NOS1AP: variants seen among roughly 807,000 people sequenced by gnomAD.
The protein encoded by NOS1AP is carboxyl-terminal PDZ ligand of neuronal nitric oxide synthase protein.
NOS1AP carries 21 observed loss-of-function variants against 56.2 expected under a neutral mutation model. The ratio of observed to expected loss-of-function variants is 0.37; its 90% CI spans 0.26 to 0.54. NOS1AP has a LOEUF of 0.54. Ranked by LOEUF, NOS1AP falls within the 20% of genes least tolerant of loss-of-function variation. The pLI, the probability that NOS1AP is intolerant of heterozygous loss-of-function variation, is 0.84. For missense variants in NOS1AP, 522 were observed against 657.8 expected, an observed-to-expected ratio of 0.79 and a Z score of 2.26; for synonymous variants, 270 against 274.6, an observed-to-expected ratio of 0.98 and a Z score of 0.17.
intron 2 of NOS1AP, among the ~76,000 whole-genome samples, chr1:162,176,165 A>G (rs116550520): frequency 0.035 from 5,251 of 152,162 alleles, 133 homozygotes; most frequent in Non-Finnish European, 0.049. Flanking sequence ...CTCCCACTCA[A>G]TGATTTTTTT....
At chr1:162,105,188 C>T (rs1647447173) in intron 1 of NOS1AP, among the ~76,000 whole-genome samples, 1 of 152,192 alleles carries the variant, frequency 6.6e-6, no homozygotes, top group Non-Finnish European at 1.5e-5. Context: ...GGGGTCCACT[C>T]CAGACCCTAG....
chr1:162,251,172 TG>T (rs1653834397), intron 2 of NOS1AP, among the ~76,000 whole-genome samples: 1 of 152,216 alleles, frequency 6.6e-6, no homozygotes, highest in African/African-American at 2.4e-5. Flanking sequence ...CTAATGCCTG[TG>T]GCCTATGAGC....
intron 2 of NOS1AP, among the ~76,000 whole-genome samples, chr1:162,195,924 G>T (rs896694809): frequency 6.6e-6 from 1 of 152,166 alleles, no homozygotes; most frequent in African/African-American, 2.4e-5. Context: ...TATATGTCAT[G>T]GTCTGGGGCC....
intron 2 of NOS1AP, among the ~76,000 whole-genome samples, chr1:162,181,957 T>C (rs1651279103): frequency 6.6e-6 from 1 of 152,210 alleles, no homozygotes; most frequent in Non-Finnish European, 1.5e-5. Flanking sequence ...TGGATAGAGT[T>C]GAAAAAAGTC....
chr1:162,258,757 G>A (rs1452855539), intron 2 of NOS1AP, among the ~76,000 whole-genome samples: 1 of 152,184 alleles, frequency 6.6e-6, no homozygotes, highest in Non-Finnish European at 1.5e-5. Context: ...GAAGGAGGGT[G>A]AGAGTGCCCA....
At chr1:162,151,336 C>T (rs2102090404) in intron 1 of NOS1AP, among the ~76,000 whole-genome samples, 1 of 152,294 alleles carries the variant, frequency 6.6e-6, no homozygotes, top group East Asian at 1.9e-4. Flanking sequence ...TGTTTTTATG[C>T]CAGTACCATG....
At chr1:162,174,256 G>GT (rs1280632199) in intron 2 of NOS1AP, among the ~76,000 whole-genome samples, 2 of 152,080 alleles carry the variant, frequency 1.3e-5, no homozygotes, top group East Asian at 1.9e-4. Context: ...CATGTCCTTT[G>GT]TAGGGACATG....
chr1:162,221,313 G>T (rs7545047), intron 2 of NOS1AP, among the ~76,000 whole-genome samples: 1 of 152,094 alleles, frequency 6.6e-6, no homozygotes. Flanking sequence ...TCAGGAATTC[G>T]CATTGAAGGC....
At chr1:162,294,173 TAGGA>T (rs1295442688) in intron 3 of NOS1AP, among the ~76,000 whole-genome samples, 109 of 84,772 alleles carry the variant, frequency 1.3e-3, no homozygotes, top group African/African-American at 5.6e-3. Context: ...GGAAGGCAGG[TAGGA>T]AGGAAGGAAG....
At chr1:162,211,246 G>T (rs1652340356) in intron 2 of NOS1AP, among the ~76,000 whole-genome samples, 1 of 152,218 alleles carries the variant, frequency 6.6e-6, no homozygotes, top group Non-Finnish European at 1.5e-5. Context: ...CACAGTTCTG[G>T]AGGCTGGAAA....
rs114111277 is a variant in NOS1AP, at chr1:162,250,196, C to G, written c.178-37148C>G. ...TAGGACCAAACCAAATGCCCATTTT[C>G]CCGAGGGGACAGTTCTAGGAATTTT... On this transcript the variant is annotated intron_variant, in intron 2 of 9. Coordinates refer to ENST00000361897, the MANE Select transcript of NOS1AP (RefSeq NM_014697.3). Among the ~76,000 whole-genome samples, 951 of 152,284 alleles carry G rather than the reference C, an allele frequency of 6.2e-3. 5 individuals are homozygous for G. The highest frequency in any genetic ancestry group is 0.011 in the Non-Finnish European group (754 of 68,018).
At chr1:162,265,543 A>G (rs1654396116) in intron 2 of NOS1AP, among the ~76,000 whole-genome samples, 1 of 109,774 alleles carries the variant, frequency 9.1e-6, no homozygotes, top group South Asian at 3.8e-4. Context: ...CCATGTCCCT[A>G]CAAAGGACAT....
chr1:162,363,900 T>C (rs1657980003), intron 8 of NOS1AP: 6 of 985,430 alleles, frequency 6.1e-6, no homozygotes, highest in Non-Finnish European at 7.2e-6. Flanking sequence ...TTAAATTCCT[T>C]AGGCATTATG....
chr1:162,254,142 T>C (rs1653951745), intron 2 of NOS1AP, among the ~76,000 whole-genome samples: 1 of 152,250 alleles, frequency 6.6e-6, no homozygotes, highest in African/African-American at 2.4e-5. Context: ...AAATGCTTTT[T>C]AAAGTCAGTG....
Position 162,184,310 on chromosome 1 carries a change from A to G in NOS1AP, c.177+29834A>G, listed in dbSNP as rs77901115. On this transcript the variant is annotated intron_variant, in intron 2 of 9. Transcript: ENST00000361897. ...GTAACAATAACGATCACTAATCACA[A>G]ATTATCATAACAGAGATGATTATTA... 1.7e-3 allele frequency among the ~76,000 whole-genome samples: 260 copies of G among 152,288 alleles called. 1 individual carries two copies. Among genetic ancestry groups the G allele is most frequent in the African/African-American group, 6.1e-3 (254 of 41,550 alleles).
intron 1 of NOS1AP, among the ~76,000 whole-genome samples, chr1:162,127,759 C>A (rs550978924): frequency 1.4e-4 from 22 of 152,226 alleles, no homozygotes; most frequent in Middle Eastern, 3.4e-3. Flanking sequence ...AAGGACAGTA[C>A]CAAATGGAAT....
chr1:162,183,708 TC>T (rs1019680229), intron 2 of NOS1AP, among the ~76,000 whole-genome samples: 1 of 152,228 alleles, frequency 6.6e-6, no homozygotes, highest in African/African-American at 2.4e-5. Flanking sequence ...TCTGCTAACT[TC>T]GAACTTTTCT....
intron 4 of NOS1AP, among the ~76,000 whole-genome samples, chr1:162,320,759 C>T (rs966549944): frequency 1.3e-5 from 2 of 152,118 alleles, no homozygotes; most frequent in Non-Finnish European, 2.9e-5. Context: ...GAGGCTGAGG[C>T]AGGAGAATCG....
chr1:162,157,005 C>A (rs956559150), intron 2 of NOS1AP: 2 of 154,224 alleles, frequency 1.3e-5, no homozygotes, highest in African/African-American at 4.8e-5. Context: ...ATGGGACCTC[C>A]CCAGTAAGAG....
Sources: gnomAD v4.1 joint callset for allele counts (sites outside exome capture counted in the v4.1 genomes callset) on GRCh38, gnomAD v4.1.1 for gene constraint, MANE v1.5 for transcripts, NCBI Gene and HGNC (gene_info 2026-07-23, HGNC 2026-07-21) for gene names.